GRM5: variants seen among roughly 807,000 people sequenced by gnomAD.
GRM5 encodes glutamate metabotropic receptor 5.
Under a neutral mutation model 83.1 loss-of-function variants are expected in GRM5, and 19 were observed. The observed-to-expected ratio is 0.23, with a 90% confidence interval of 0.16 to 0.34. The LOEUF (loss-of-function observed/expected upper bound fraction) is 0.34. Among genes scored for constraint, GRM5 ranks in the 10% least tolerant of loss-of-function variants. GRM5 has a pLI of 1.00. For synonymous variants in GRM5, 675 were observed against 633.6 expected (o/e 1.07, Z -0.98); for missense variants, 1,160 against 1,588.3 (o/e 0.73, Z 4.58).
At chr11:88,853,243 C>A (rs1335077065) in intron 2 of GRM5, among the ~76,000 whole-genome samples, 1 of 152,046 alleles carries the variant, frequency 6.6e-6, no homozygotes, top group African/African-American at 2.4e-5. Flanking sequence ...TGATTTTCAA[C>A]CTTAAGAATC....
At chr11:88,689,817 A>G (rs1265332180) in intron 3 of GRM5, among the ~76,000 whole-genome samples, 2 of 152,200 alleles carry the variant, frequency 1.3e-5, no homozygotes, top group African/African-American at 4.8e-5. Context: ...TGTGGAGCAT[A>G]GCGATACGAA....
intron 9 of GRM5, among the ~76,000 whole-genome samples, chr11:88,524,379 G>T (rs547156221): frequency 6.6e-6 from 1 of 151,744 alleles, no homozygotes; most frequent in Admixed American, 6.6e-5. Context: ...CACCATGCCC[G>T]GCTAATTTTT....
chr11:88,747,149 C>T (rs538508186), intron 3 of GRM5, among the ~76,000 whole-genome samples: 6 of 152,288 alleles, frequency 3.9e-5, no homozygotes, highest in Non-Finnish European at 7.4e-5. Context: ...CAAAGGCTCT[C>T]AACCTGGTTT....
intron 2 of GRM5, among the ~76,000 whole-genome samples, chr11:88,991,043 T>C (rs1939947210): frequency 6.6e-6 from 1 of 152,070 alleles, no homozygotes; most frequent in African/African-American, 2.4e-5. Flanking sequence ...AAATAAAGGG[T>C]ATTCAATTAG....
At chr11:88,652,478 A>C (rs756573166) in intron 4 of GRM5, among the ~76,000 whole-genome samples, 5 of 152,056 alleles carry the variant, frequency 3.3e-5, no homozygotes, top group Non-Finnish European at 5.9e-5. Context: ...CATATCACTT[A>C]TAATTTTCAA....
chr11:88,895,815 T>C (rs1004954178), intron 2 of GRM5, among the ~76,000 whole-genome samples: 1 of 151,992 alleles, frequency 6.6e-6, no homozygotes, highest in African/African-American at 2.4e-5. Context: ...TTAAGGTCTG[T>C]GTGATCAAAT....
At chr11:88,771,914 G>A (rs1176497665) in intron 3 of GRM5, among the ~76,000 whole-genome samples, 1 of 151,974 alleles carries the variant, frequency 6.6e-6, no homozygotes, top group African/African-American at 2.4e-5. Context: ...CCCTCACTAT[G>A]GTTTTGTCTT....
intron 3 of GRM5, among the ~76,000 whole-genome samples, chr11:88,691,866 AC>A (rs1342207738): frequency 6.6e-6 from 1 of 152,162 alleles, no homozygotes; most frequent in Non-Finnish European, 1.5e-5. Context: ...TCTACAATAA[AC>A]TTTTTATAAT....
chr11:88,909,312 G>GT (rs1945454989), intron 2 of GRM5, among the ~76,000 whole-genome samples: 1 of 151,980 alleles, frequency 6.6e-6, no homozygotes, highest in Non-Finnish European at 1.5e-5. Context: ...TTGCCATCCT[G>GT]TTCTTACTCA....
intron 3 of GRM5, among the ~76,000 whole-genome samples, chr11:88,730,995 T>C (rs1362488606): frequency 6.6e-6 from 1 of 152,144 alleles, no homozygotes; most frequent in Non-Finnish European, 1.5e-5. Context: ...TCTACACATG[T>C]ATCCCAGAAC....
chr11:88,980,822 C>CA (rs945243001), intron 2 of GRM5, among the ~76,000 whole-genome samples: 7 of 150,774 alleles, frequency 4.6e-5, no homozygotes, highest in East Asian at 3.9e-4. Flanking sequence ...GACTCTGTCT[C>CA]AAAAAAAATA....
chr11:88,800,492 G>A (rs1186315818), intron 3 of GRM5, among the ~76,000 whole-genome samples: 2 of 151,874 alleles, frequency 1.3e-5, no homozygotes, highest in Non-Finnish European at 2.9e-5. Flanking sequence ...TAAATTTTGT[G>A]TTCCTGAAGG....
chr11:88,580,267 A>T (rs1022766446), intron 7 of GRM5, among the ~76,000 whole-genome samples: 34 of 152,200 alleles, frequency 2.2e-4, no homozygotes, highest in Non-Finnish European at 3.7e-4. Context: ...ATTAGGTGAG[A>T]GATCTGGACA....
chr11:88,737,803 A>G (rs943634127), intron 3 of GRM5, among the ~76,000 whole-genome samples: 10 of 152,104 alleles, frequency 6.6e-5, no homozygotes, highest in African/African-American at 2.2e-4. Context: ...TGCATGATCC[A>G]TTTAAACAGA....
intron 2 of GRM5, chr11:88,984,598 A>G (rs1282039242): frequency 2.2e-6 from 1 of 454,016 alleles, no homozygotes; most frequent in East Asian, 3.4e-5. Context: ...CTTAACTCTG[A>G]GAATTACCTT....
intron 3 of GRM5, among the ~76,000 whole-genome samples, chr11:88,796,679 T>G (rs190671047): frequency 6.6e-6 from 1 of 152,270 alleles, no homozygotes; most frequent in Admixed American, 6.5e-5. Context: ...CTGCATTATA[T>G]ATGTCTTATA....
intron 3 of GRM5, among the ~76,000 whole-genome samples, chr11:88,767,359 A>G (rs904690229): frequency 6.6e-6 from 1 of 152,018 alleles, no homozygotes; most frequent in Non-Finnish European, 1.5e-5. Flanking sequence ...TTTCTACCAT[A>G]AAAACACATG....
intron 3 of GRM5, among the ~76,000 whole-genome samples, chr11:88,737,918 G>A (rs936657423): frequency 1.3e-5 from 2 of 151,900 alleles, no homozygotes; most frequent in East Asian, 3.9e-4. Flanking sequence ...TAATTATCAT[G>A]TTCATGAACC....
At chr11:88,668,419 T>TAC (rs199946091) in intron 3 of GRM5, among the ~76,000 whole-genome samples, 21,511 of 151,288 alleles carry the variant, frequency 0.14, 1,689 homozygotes, top group Non-Finnish European at 0.18. Flanking sequence ...CAACAATTTT[T>TAC]TTTCAAAAAA....
Sources: allele counts gnomAD v4.1 joint callset (sites outside exome capture counted in the v4.1 genomes callset), GRCh38; gene constraint gnomAD v4.1.1; transcripts MANE v1.5; gene names NCBI Gene and HGNC (gene_info 2026-07-23, HGNC 2026-07-21).